Variants in PLCH1 observed in about 807,000 individuals in gnomAD.
PLCH1 encodes 1-phosphatidylinositol 4,5-bisphosphate phosphodiesterase eta-1.
A neutral mutation model predicts 126.7 loss-of-function variants in PLCH1; 60 were observed. That is an observed-to-expected ratio of 0.47 (90% CI 0.38 to 0.59). The LOEUF (loss-of-function observed/expected upper bound fraction) is 0.59. Ranked by LOEUF, PLCH1 falls within the 20% of genes least tolerant of loss-of-function variation. The probability of loss-of-function intolerance (pLI) is 0.00; values close to 1 mark genes in which losing one functional copy is unlikely to be tolerated. For synonymous variants in PLCH1, 719 were observed against 734.9 expected (o/e 0.98, Z 0.35); for missense variants, 1,723 against 2,040.0 (o/e 0.84, Z 2.99).
Position 155,480,121 on chromosome 3 carries a change from T to C in PLCH1, c.*847A>G, listed in dbSNP as rs1490015192. On this transcript the variant is annotated 3_prime_UTR_variant, in exon 23 of 23. Coordinates refer to ENST00000460012, the MANE Select transcript of PLCH1 (RefSeq NM_014996.4). ...TATGAGAAAATATTCTGTGAAAGCTTTGGGGAAGTTTTCAATTTGTGCTAC... is the reference window on the plus strand; with the variant it reads ...TATGAGAAAATATTCTGTGAAAGCTCTGGGGAAGTTTTCAATTTGTGCTAC... 6.6e-6 allele frequency: 1 copy of C among 152,592 alleles called. No individual in the cohort carries two copies. Among genetic ancestry groups the C allele is most frequent in the Non-Finnish European group, 1.5e-5 (1 of 68,028 alleles). The allele number at this position is 152,592 out of a possible 1,614,324, so 9.5% of individuals were successfully genotyped here. A position where few individuals can be genotyped will look rare whatever the true frequency, so the allele number is the denominator to read the frequency against.
chr3:155,501,212 G>A (rs771466398), intron 13 of PLCH1, among the ~76,000 whole-genome samples: 6 of 152,076 alleles, frequency 3.9e-5, no homozygotes, highest in Non-Finnish European at 7.4e-5. Flanking sequence ...GAAAGGACAT[G>A]TAGTAACTTT....
At chr3:155,692,475 G>A (rs922769523) in intron 2 of PLCH1, among the ~76,000 whole-genome samples, 3 of 152,116 alleles carry the variant, frequency 2.0e-5, no homozygotes, top group Non-Finnish European at 4.4e-5. Flanking sequence ...TGGATGGATG[G>A]ATGGATGGAT....
chr3:155,451,129 T>C (rs185231072), intron 21 of PLCH1, among the ~76,000 whole-genome samples: 1 of 152,204 alleles, frequency 6.6e-6, no homozygotes, highest in East Asian at 1.9e-4. Flanking sequence ...GAGTCCATAC[T>C]GATACCAATC....
At chr3:155,551,958 TAA>T (rs1316451445) in intron 9 of PLCH1, among the ~76,000 whole-genome samples, 1 of 152,092 alleles carries the variant, frequency 6.6e-6, no homozygotes, top group African/African-American at 2.4e-5. Context: ...CATTGGGAAA[TAA>T]AGGCAAAATT....
At chr3:155,537,165 G>T (rs192904649) in intron 10 of PLCH1, among the ~76,000 whole-genome samples, 1 of 117,070 alleles carries the variant, frequency 8.5e-6, no homozygotes, top group African/African-American at 3.5e-5. Context: ...GAGAGAATTC[G>T]CCACTACCAA....
chr3:155,473,483 G>A (rs1288911159), intron 21 of PLCH1, among the ~76,000 whole-genome samples: 1 of 150,990 alleles, frequency 6.6e-6, no homozygotes, highest in Non-Finnish European at 1.5e-5. Flanking sequence ...TCAATATCGT[G>A]AAAATGGCCA....
intron 11 of PLCH1, among the ~76,000 whole-genome samples, chr3:155,520,986 C>T (rs1211418568): frequency 6.6e-6 from 1 of 152,204 alleles, no homozygotes; most frequent in Non-Finnish European, 1.5e-5. Flanking sequence ...CCGGGAGAGC[C>T]TCAAATCCCG....
At chr3:155,635,842 A>G (rs883700) in intron 2 of PLCH1, among the ~76,000 whole-genome samples, 43,869 of 151,928 alleles carry the variant, frequency 0.29, 6,790 homozygotes, top group East Asian at 0.43. Context: ...CTGTTTAGAT[A>G]CTTTTGGCTG....
intron 10 of PLCH1, among the ~76,000 whole-genome samples, chr3:155,533,051 A>G (rs944542666): frequency 3.9e-5 from 6 of 152,220 alleles, no homozygotes; most frequent in African/African-American, 1.4e-4. Context: ...GTGGTCTCAG[A>G]TGGAGATGAG....
intron 21 of PLCH1, among the ~76,000 whole-genome samples, chr3:155,464,868 TG>T (rs1712869581): frequency 6.6e-6 from 1 of 152,096 alleles, no homozygotes; most frequent in Admixed American, 6.5e-5. Flanking sequence ...CCCAGCACTT[TG>T]GGAGGCCAAG....
In PLCH1 at chr3:155,670,732, A is replaced by G. The variant is rs189032510; in HGVS notation, c.79+33414T>C. 1.5e-3 allele frequency among the ~76,000 whole-genome samples: 223 copies of G among 152,168 alleles called. 1 individual carries two copies. The highest frequency in any genetic ancestry group is 5.2e-3 in the African/African-American group (215 of 41,528). ...CTTTTTCCCAAAATACCACTTTTACATCACCCATATACTCCAAAACTTACC... is the reference window on the plus strand; with the variant it reads ...CTTTTTCCCAAAATACCACTTTTACGTCACCCATATACTCCAAAACTTACC... On this transcript the variant is annotated intron_variant, in intron 2 of 22. Transcript: ENST00000460012.
Position 155,497,431 on chromosome 3 carries a change from A to C in PLCH1, c.1797-14T>G. The C allele has an allele frequency of 1.3e-6, 2 of 1,567,350 alleles. No homozygotes were observed. Among genetic ancestry groups the C allele is most frequent in the Non-Finnish European group, 1.8e-6 (2 of 1,137,644 alleles). On this transcript the variant is annotated splice_polypyrimidine_tract_variant and intron_variant, in intron 14 of 22. Coordinates refer to ENST00000460012, the MANE Select transcript of PLCH1 (RefSeq NM_014996.4). Reference sequence around the variant, plus strand: ...CGGCGACCCAATCTGTGAAGTACCCACAGAGGATGCATGACATTTTGGAGT... The same window carrying C: ...CGGCGACCCAATCTGTGAAGTACCCCCAGAGGATGCATGACATTTTGGAGT...
At chr3:155,534,967 T>C (rs1723161425) in intron 10 of PLCH1, among the ~76,000 whole-genome samples, 1 of 152,230 alleles carries the variant, frequency 6.6e-6, no homozygotes, top group African/African-American at 2.4e-5. Context: ...TAAACCTCTT[T>C]TTATAATTTC....
chr3:155,591,416 A>G (rs541110307), intron 4 of PLCH1, among the ~76,000 whole-genome samples: 5 of 152,284 alleles, frequency 3.3e-5, no homozygotes, highest in Admixed American at 2.6e-4. Context: ...TTTTCCAACT[A>G]CATGTCTGTG....
chr3:155,608,449 T>C (rs906559349), intron 2 of PLCH1, among the ~76,000 whole-genome samples: 9 of 152,042 alleles, frequency 5.9e-5, no homozygotes, highest in African/African-American at 1.9e-4. Context: ...GGGCAAGGTC[T>C]GAGCCTGGTG....
At chr3:155,584,810 C>T (rs1017592684) in intron 5 of PLCH1, among the ~76,000 whole-genome samples, 4 of 152,030 alleles carry the variant, frequency 2.6e-5, no homozygotes, top group Admixed American at 2.6e-4. Flanking sequence ...AATAATTACC[C>T]AAGAAATCAT....
chr3:155,487,951 C>T, intron 21 of PLCH1, 77 bp downstream of exon 21: 1 of 949,292 alleles, frequency 1.1e-6, no homozygotes, highest in Non-Finnish European at 1.7e-6. Flanking sequence ...ATTTACATTC[C>T]TATTATGCAA....
intron 2 of PLCH1, among the ~76,000 whole-genome samples, chr3:155,693,471 CAAAAAAAA>C (rs1227159940): frequency 9.7e-5 from 1 of 10,354 alleles, no homozygotes; most frequent in Non-Finnish European, 1.3e-4. Flanking sequence ...GACTCCGTCT[CAAAAAAAA>C]AAAAAAAAAA....
rs188808159 is a variant in PLCH1, at chr3:155,681,276, T to G, written c.79+22870A>C. Among the ~76,000 whole-genome samples the G allele has an allele frequency of 2.6e-3, 398 of 152,338 alleles. 1 individual carries two copies. Among genetic ancestry groups the G allele is most frequent in the Middle Eastern group, 0.01 (3 of 294 alleles). ...TTCCCACTAATATAATATGGAAAAC[T>G]TGCTTTGAGGCTTACTAACATTTAT... On this transcript the variant is annotated intron_variant, in intron 2 of 22. Coordinates refer to ENST00000460012, the MANE Select transcript of PLCH1 (RefSeq NM_014996.4).
Sources: allele counts gnomAD v4.1 joint callset (sites outside exome capture counted in the v4.1 genomes callset), GRCh38; gene constraint gnomAD v4.1.1; transcripts MANE v1.5; gene names NCBI Gene and HGNC (gene_info 2026-07-23, HGNC 2026-07-21).